Variants in CCNG1 observed in about 807,000 individuals in gnomAD.
The protein encoded by CCNG1 is cyclin-G1.
A neutral mutation model predicts 30.0 loss-of-function variants in CCNG1; 13 were observed. The ratio of observed to expected loss-of-function variants is 0.43; its 90% CI spans 0.28 to 0.69. The LOEUF (loss-of-function observed/expected upper bound fraction) is 0.69, where lower values mean the gene tolerates loss of function less well. Among genes scored for constraint, CCNG1 ranks in the 30% least tolerant of loss-of-function variants. The pLI, the probability that CCNG1 is intolerant of heterozygous loss-of-function variation, is 0.16. For missense variants in CCNG1, 285 were observed against 331.4 expected (o/e 0.86, Z 1.09); for synonymous variants, 110 against 121.5 (o/e 0.91, Z 0.62).
intron 2 of CCNG1, among the ~76,000 whole-genome samples, chr5:163,440,672 C>G (rs1332236472): frequency 6.6e-6 from 1 of 152,068 alleles, no homozygotes; most frequent in East Asian, 1.9e-4. Context: ...AAGACAAGAG[C>G]CTGGAAAAAA....
Position 163,442,371 on chromosome 5 carries a change from C to T in CCNG1, c.697-3C>T. On this transcript the variant is annotated splice_polypyrimidine_tract_variant and splice_region_variant and intron_variant, in intron 5 of 6. Transcript: ENST00000340828. ...TAATTTTTTAAAATTTATGTATGTA[C>T]AGATAAATGGCAGAGATCTGACCTT... 1 of 1,601,440 alleles carries T rather than the reference C, an allele frequency of 6.2e-7. No individual in the cohort carries two copies. The highest frequency in any genetic ancestry group is 8.5e-7 in the Non-Finnish European group (1 of 1,174,466).
chr5:163,439,365 A>T lies in CCNG1; in HGVS notation c.109A>T (p.Ile37Phe). The T allele has an allele frequency of 6.2e-7, 1 of 1,614,186 alleles. No individual in the cohort carries two copies. The highest frequency in any genetic ancestry group is 8.5e-7 in the Non-Finnish European group (1 of 1,180,010). Residue 37 changes from isoleucine to phenylalanine, a missense_variant, in exon 2 of 7, where the codon ATT (isoleucine) becomes TTT (phenylalanine). By Grantham distance (21) the Ile-to-Phe change is conservative. Coordinates refer to ENST00000340828, the MANE Select transcript of CCNG1 (RefSeq NM_004060.4). ...CQPKVCGLRLIESAHDNGLRM... is the reference protein window; with the variant it reads ...CQPKVCGLRLFESAHDNGLRM... Reference sequence around the variant, plus strand: ...GCCAAAGGTCTGTGGTTTGAGACTAATTGAGTCTGCACACGATAATGGCCT... The same window carrying T: ...GCCAAAGGTCTGTGGTTTGAGACTATTTGAGTCTGCACACGATAATGGCCT...
At chr5:163,451,049 TTA>T (rs1758164085), downstream of CCNG1, 1 of 152,176 alleles carries the variant, frequency 6.6e-6, no homozygotes, top group South Asian at 2.1e-4. Context: ...AGACCACGTA[TTA>T]TGATTCCATG....
At chr5:163,452,756 C>T in the CCNG1 span, 2 of 152,106 alleles carry the variant, frequency 1.3e-5, no homozygotes, top group Non-Finnish European at 2.9e-5. Flanking sequence ...AGATGAATAA[C>T]CTCAATCTAA....
At chr5:163,442,176 C>A in intron 5 of CCNG1, 33 bp downstream of exon 5, 1 of 1,421,588 alleles carries the variant, frequency 7.0e-7, no homozygotes, top group Admixed American at 1.9e-5. Context: ...ATCCTATTAA[C>A]AGCTGTAAAA....
chr5:163,449,102 A>G (rs1758114090), downstream of CCNG1: 1 of 152,230 alleles, frequency 6.6e-6, no homozygotes, highest in Admixed American at 6.5e-5. Flanking sequence ...AAGAAAAATC[A>G]TAGACTAAAA....
rs1479024638 is a variant in CCNG1, at chr5:163,437,722, G to T, written c.-83G>T. ...GCCTACGAGTCCCCTCTCCTCGTAG[G>T]CCTCTCGGATCTGATATCGTGGGGT... On this transcript the variant is annotated 5_prime_UTR_variant, in exon 1 of 7. Coordinates refer to ENST00000340828, the MANE Select transcript of CCNG1 (RefSeq NM_004060.4). 6.6e-6 allele frequency: 1 copy of T among 152,418 alleles called. No homozygotes were observed. The highest frequency in any genetic ancestry group is 2.1e-4 in the South Asian group (1 of 4,826). The allele number at this position is 152,418 out of a possible 1,614,324, so 9.4% of individuals were successfully genotyped here.
chr5:163,447,650 G>C (rs1434958049), downstream of CCNG1: 1 of 152,054 alleles, frequency 6.6e-6, no homozygotes, highest in Non-Finnish European at 1.5e-5. Context: ...TAAAACAGCA[G>C]AATAAGCATT....
At chr5:163,451,046 G>A (rs931096275), downstream of CCNG1, 2 of 152,128 alleles carry the variant, frequency 1.3e-5, no homozygotes, top group South Asian at 2.1e-4. Flanking sequence ...CAAAGACCAC[G>A]TATTATGATT....
chr5:163,450,137 T>A (rs978754340), downstream of CCNG1: 1 of 152,198 alleles, frequency 6.6e-6, no homozygotes, highest in African/African-American at 2.4e-5. Flanking sequence ...GGTGCACACC[T>A]GTAGTCCCAG....
downstream of CCNG1, chr5:163,448,169 C>T (rs1424453636): frequency 2.7e-5 from 4 of 146,534 alleles, no homozygotes; most frequent in African/African-American, 1.0e-4. Flanking sequence ...AAAAAAGAAG[C>T]CCAAACTAAA....
At chr5:163,451,316 T>C in the CCNG1 span, 14 of 152,182 alleles carry the variant, frequency 9.2e-5, no homozygotes, top group Admixed American at 2.0e-4. Context: ...ATGATCCCAT[T>C]TATAACATGC....
At chr5:163,457,126 T>C in the CCNG1 span, 108 of 1,515,240 alleles carry the variant, frequency 7.1e-5, no homozygotes, top group Non-Finnish European at 8.9e-5. Context: ...AAATTAGAGT[T>C]CTTCATCAAG....
chr5:163,443,629 G>T lies in CCNG1; in HGVS notation c.*4-45G>T, dbSNP rs1273558465. On this transcript the variant is annotated intron_variant, in intron 6 of 6. Coordinates refer to ENST00000340828, the MANE Select transcript of CCNG1 (RefSeq NM_004060.4). Reference sequence around the variant, plus strand: ...TTTCTTAGTAGTATTTAGGCAGACTGGCTTCTGTTAAGTTGGATTTTGTTT... The same window carrying T: ...TTTCTTAGTAGTATTTAGGCAGACTTGCTTCTGTTAAGTTGGATTTTGTTT... The T allele has an allele frequency of 2.9e-6, 3 of 1,041,528 alleles. No individual in the cohort carries two copies. The Admixed American group carries it at 6.1e-5, about 21-fold the overall frequency. 64.5% of individuals were successfully genotyped at this position (1,041,528 alleles called of 1,614,324 possible).
the CCNG1 span, among the ~76,000 whole-genome samples, chr5:163,457,387 CAACT>C: frequency 0.091 from 13,820 of 152,078 alleles, 867 homozygotes; most frequent in African/African-American, 0.19. Context: ...TTTCCAAAAA[CAACT>C]AACTAATTTT....
At chr5:163,454,252 T>C in the CCNG1 span, among the ~76,000 whole-genome samples, 1 of 152,222 alleles carries the variant, frequency 6.6e-6, no homozygotes, top group Non-Finnish European at 1.5e-5. Flanking sequence ...AGACATCATA[T>C]GTACACTACA....
At chr5:163,445,491 T>C (rs1027881615), downstream of CCNG1, among the ~76,000 whole-genome samples, 2 of 152,160 alleles carry the variant, frequency 1.3e-5, no homozygotes, top group Admixed American at 6.5e-5. Context: ...GTCACTCTTG[T>C]CACCCAGGCT....
Position 163,441,321 on chromosome 5 carries a change from C to G in CCNG1, c.508C>G (p.Pro170Ala). 1 of 1,613,336 alleles carries G rather than the reference C, an allele frequency of 6.2e-7. No homozygotes were observed. Among genetic ancestry groups the G allele is most frequent in the Non-Finnish European group, 8.5e-7 (1 of 1,179,550 alleles). Reference sequence around the variant, plus strand: ...TTATTCACTCCTTCAAGAGAACTTGCCACTTGAAAGGTAAGTGACCTTTGT... The same window carrying G: ...TTATTCACTCCTTCAAGAGAACTTGGCACTTGAAAGGTAAGTGACCTTTGT... ...LYYSLLQENL[P>A]LERRNSINFE... The change falls in exon 3 of 7, where the codon CCA becomes GCA. Residue 170 changes from proline to alanine, a missense_variant. Coordinates refer to ENST00000340828, the MANE Select transcript of CCNG1 (RefSeq NM_004060.4).
intron 5 of CCNG1, 48 bp from the exon 6 acceptor site, chr5:163,442,326 G>T: frequency 7.2e-7 from 1 of 1,396,908 alleles, no homozygotes. Flanking sequence ...GTTAAATAAG[G>T]TGGGACTTAC....
Sources: gnomAD v4.1 joint callset for allele counts (sites outside exome capture counted in the v4.1 genomes callset) on GRCh38, gnomAD v4.1.1 for gene constraint, MANE v1.5 for transcripts, NCBI Gene and HGNC (gene_info 2026-07-23, HGNC 2026-07-21) for gene names.